Variants in PLEKHG3 observed in about 807,000 individuals in gnomAD.
PLEKHG3 encodes pleckstrin homology domain-containing family G member 3.
A neutral mutation model predicts 94.9 loss-of-function variants in PLEKHG3; 62 were observed. The ratio of observed to expected loss-of-function variants is 0.65; its 90% confidence interval spans 0.53 to 0.81. The LOEUF is 0.81. Ranked by LOEUF, PLEKHG3 falls within the 30% of genes least tolerant of loss-of-function variation. The probability of loss-of-function intolerance (pLI) is 0.00; values close to 1 mark genes in which losing one functional copy is unlikely to be tolerated. For synonymous variants in PLEKHG3, 614 were observed against 654.0 expected (o/e 0.94, Z 0.93); for missense variants, 1,461 against 1,619.3 (o/e 0.90, Z 1.68).
intron 12 of PLEKHG3, 138 bp from the exon 13 acceptor site, chr14:64,736,715 T>C (rs926738435): frequency 1.4e-6 from 1 of 728,258 alleles, no homozygotes. Context: ...GCAGCTTCCC[T>C]GGGGCCTATG....
At chr14:64,736,424 G>A (rs2081569745) in intron 12 of PLEKHG3, among the ~76,000 whole-genome samples, 1 of 152,236 alleles carries the variant, frequency 6.6e-6, no homozygotes, top group Non-Finnish European at 1.5e-5. Flanking sequence ...TTGGCAGTGG[G>A]TGTAGCTGAT....
chr14:64,727,501 A>ACCCCCCCCTCCCC lies in PLEKHG3; in HGVS notation c.-39-88_-39-87insCCCCTCCCCCCCC. 3.6e-6 allele frequency: 1 copy of ACCCCCCCCTCCCC among 280,844 alleles called. No homozygotes were observed. The highest frequency in any genetic ancestry group is 2.9e-5 in the South Asian group (1 of 35,024). The allele number at this position is 280,844 out of a possible 1,614,324, so 17.4% of individuals were successfully genotyped here. ...TGGATGCACTAAATAATACCTTCCCACCCCACCTGCCCCCACCCCTGGCAA... is the reference window on the plus strand; with the variant it reads ...TGGATGCACTAAATAATACCTTCCCACCCCCCCCTCCCCCCCCACCTGCCCCCACCCCTGGCAA... On this transcript the variant is annotated intron_variant, in intron 1 of 16. Transcript: ENST00000247226. This position sits in a 1 kb window ranked among gnomAD's most constrained non-coding sequence, Gnocchi z 6.0.
At chr14:64,707,549 T>C (rs1334478566) in intron 1 of PLEKHG3, among the ~76,000 whole-genome samples, 1 of 152,150 alleles carries the variant, frequency 6.6e-6, no homozygotes, top group Non-Finnish European at 1.5e-5. Context: ...AAGATTGAAA[T>C]AGCAAGTGTG....
At chr14:64,710,256 C>T (rs2081047056) in intron 1 of PLEKHG3, among the ~76,000 whole-genome samples, 1 of 152,214 alleles carries the variant, frequency 6.6e-6, no homozygotes, top group Admixed American at 6.5e-5. Flanking sequence ...TGCATGTAGC[C>T]AAGAAGGTCG....
In PLEKHG3 at chr14:64,726,858, G is replaced by A. The variant is rs181128089; in HGVS notation, c.-39-735G>A. Among the ~76,000 whole-genome samples the A allele has an allele frequency of 2.0e-4, 31 of 152,232 alleles. No homozygotes were observed. Among genetic ancestry groups the A allele is most frequent in the Admixed American group, 5.9e-4 (9 of 15,306 alleles). On this transcript the variant is annotated intron_variant, in intron 1 of 16. Coordinates refer to ENST00000247226, the MANE Select transcript of PLEKHG3 (RefSeq NM_001308147.2). This position sits in a 1 kb window ranked among gnomAD's most constrained non-coding sequence, Gnocchi z 5.1. ...GTTTCAGGTTTGTGGTGAAGCCGCC[G>A]GTGCCCCTGAGGTTTTGCAGTCTTA...
Position 64,738,800 on chromosome 14 carries a change from C to T in PLEKHG3, c.1463C>T (p.Ser488Phe). Residue 488 changes from serine (S) to phenylalanine (F), a missense_variant, in exon 15 of 17, where the codon TCT becomes TTT. Transcript: ENST00000247226. This position sits in a 1 kb window ranked among gnomAD's most constrained non-coding sequence, Gnocchi z 4.8. ...SRSSRRPSGR[S>F]PTSTEKRMSF... The stretch of plus-strand genomic sequence containing the variant: ...AGCAGCAGAAGGCCCAGTGGCCGGT[C>T]TCCAACCAGTACTGAGAAGCGCATG... 6 of 1,601,048 alleles carry T rather than the reference C, an allele frequency of 3.7e-6. No individual in the cohort carries two copies. Among genetic ancestry groups the T allele is most frequent in the Non-Finnish European group, 5.1e-6 (6 of 1,173,446 alleles).
rs2081878195 is a variant in PLEKHG3 at position 64,748,174 on chromosome 14, C to T, written c.*4471C>T. On this transcript the variant is annotated 3_prime_UTR_variant, in exon 17 of 17. Transcript: ENST00000247226. ...TGTCACATGGGTGGTGATACCAAGA[C>T]ATGGCTGCGTCTGCCACCCCGAGAA... The T allele has an allele frequency of 3.3e-5, 5 of 149,726 alleles. No homozygotes were observed. Among genetic ancestry groups the T allele is most frequent in the Admixed American group, 3.3e-4 (5 of 15,210 alleles). The allele number at this position is 149,726 out of a possible 1,614,324, so 9.3% of individuals were successfully genotyped here. A position where few individuals can be genotyped will look rare whatever the true frequency, so the allele number is the denominator to read the frequency against.
intron 1 of PLEKHG3, among the ~76,000 whole-genome samples, chr14:64,708,349 A>C (rs1594653338): frequency 6.6e-6 from 1 of 151,506 alleles, no homozygotes; most frequent in Non-Finnish European, 1.5e-5. Context: ...AAGGCTGTCC[A>C]CCCCTCCCCC....
rs1255157812 is a variant in PLEKHG3, at chr14:64,749,721, C to T, written c.*6018C>T. ...CCTAGGAGGACAAAGGGTTTCCTGT[C>T]ATGGAGACACCTCTGGAGGGGGCGC... On this transcript the variant is annotated 3_prime_UTR_variant, in exon 17 of 17. Transcript: ENST00000247226. This position sits in a 1 kb window ranked among gnomAD's most constrained non-coding sequence, Gnocchi z 4.7. 1.2e-6 allele frequency: 2 copies of T among 1,612,260 alleles called. No homozygotes were observed. Among genetic ancestry groups the T allele is most frequent in the Non-Finnish European group, 1.7e-6 (2 of 1,179,314 alleles).
In PLEKHG3 at chr14:64,747,952, G is replaced by A. The variant is rs542993392; in HGVS notation, c.*4249G>A. ...TCCAGAAGTATGACCTGAGCAGCAAGGGGAAGGCCATTCCTGGGGACGTTG... is the reference window on the plus strand; with the variant it reads ...TCCAGAAGTATGACCTGAGCAGCAAAGGGAAGGCCATTCCTGGGGACGTTG... On this transcript the variant is annotated 3_prime_UTR_variant, in exon 17 of 17. Transcript: ENST00000247226. 6.6e-6 allele frequency: 1 copy of A among 152,394 alleles called. No individual in the cohort carries two copies. Among genetic ancestry groups the A allele is most frequent in the South Asian group, 2.1e-4 (1 of 4,832 alleles). 9.4% of individuals were successfully genotyped at this position (152,394 alleles called of 1,614,324 possible). A position where few individuals can be genotyped will look rare whatever the true frequency, so the allele number is the denominator to read the frequency against.
At chr14:64,724,827 G>A (rs1317306253) in intron 1 of PLEKHG3, among the ~76,000 whole-genome samples, 1 of 152,208 alleles carries the variant, frequency 6.6e-6, no homozygotes, top group African/African-American at 2.4e-5. Flanking sequence ...CTCAGTGCCT[G>A]AGTTCAAGTC....
In PLEKHG3 at chr14:64,743,383, C is replaced by G; in HGVS notation, c.3340C>G (p.Gln1114Glu). The change falls in exon 17 of 17, where the codon CAA (glutamine) becomes GAA (glutamate). Residue 1114 changes from glutamine (Q) to glutamate (E), a missense_variant. This residue lies in a region of PLEKHG3 where 1,201 missense variants were observed against 1,295.5 expected (regional missense o/e 0.93). Transcript: ENST00000247226. This position sits in a 1 kb window ranked among gnomAD's most constrained non-coding sequence, Gnocchi z 7.2. ...KRGRGGGEAAQSPGPLPQSKP... is the reference protein window; with the variant it reads ...KRGRGGGEAAESPGPLPQSKP... ...GGGCCGGGGAGGCGGAGAGGCTGCCCAATCCCCTGGGCCTCTGCCCCAGAG... is the reference window on the plus strand; with the variant it reads ...GGGCCGGGGAGGCGGAGAGGCTGCCGAATCCCCTGGGCCTCTGCCCCAGAG... 1 of 1,608,472 alleles carries G rather than the reference C, an allele frequency of 6.2e-7. No homozygotes were observed.
At position 64,738,979 on chromosome 14, in the gene PLEKHG3, C is replaced by A; in HGVS notation, c.1518+124C>A. The A allele has an allele frequency of 1.5e-6, 1 of 669,468 alleles. No homozygotes were observed. The highest frequency in any genetic ancestry group is 2.7e-6 in the Non-Finnish European group (1 of 368,796). The allele number at this position is 669,468 out of a possible 1,614,324, so 41.5% of individuals were successfully genotyped here. On this transcript the variant is annotated intron_variant, in intron 15 of 16. Transcript: ENST00000247226. This position sits in a 1 kb window ranked among gnomAD's most constrained non-coding sequence, Gnocchi z 4.8. ...GGCCCATGGGAACAGAGATTCCCCA[C>A]CTCCCAGGACTCTCAGCCCTGCATG...
chr14:64,721,581 C>G lies in PLEKHG3; in HGVS notation c.-39-6012C>G, dbSNP rs1232830821. On this transcript the variant is annotated intron_variant, in intron 1 of 16. Transcript: ENST00000247226. This position sits in a 1 kb window ranked among gnomAD's most constrained non-coding sequence, Gnocchi z 4.3. ...ACCAGCTGGGCTGGGTTTGGGTGGC[C>G]CAGAAACCTTGGTCACACTGTTGGC... is the stretch of plus-strand genomic sequence containing the variant. 6.6e-6 allele frequency among the ~76,000 whole-genome samples: 1 copy of G among 152,180 alleles called. No individual in the cohort carries two copies. Among genetic ancestry groups the G allele is most frequent in the East Asian group, 1.9e-4 (1 of 5,198 alleles).
rs1021101288 is a variant in PLEKHG3, at chr14:64,725,523, T to C, written c.-39-2070T>C. Among the ~76,000 whole-genome samples the C allele has an allele frequency of 6.6e-6, 1 of 152,162 alleles. No homozygotes were observed. The highest frequency in any genetic ancestry group is 2.4e-5 in the African/African-American group (1 of 41,422). On this transcript the variant is annotated intron_variant, in intron 1 of 16. Transcript: ENST00000247226. The surrounding 1 kb of genome is among the most constrained non-coding windows in gnomAD (Gnocchi z 5.0). The stretch of plus-strand genomic sequence containing the variant: ...GACATGGTGTTGCCCTGCCTGCTGG[T>C]TCTGTAAAAGGCATAGCTGATTAAT...
rs1213590468 is a variant in PLEKHG3, at chr14:64,704,529, G to T, written c.-215G>T. 1 of 154,448 alleles carries T rather than the reference G, an allele frequency of 6.5e-6. No individual in the cohort carries two copies. Among genetic ancestry groups the T allele is most frequent in the African/African-American group, 2.4e-5 (1 of 41,492 alleles). 9.6% of individuals were successfully genotyped at this position (154,448 alleles called of 1,614,324 possible). ...CGCGCGCTGCCTGGGGTCTCCGGGGGCCGCGCTTGCAGCTGGCCGAGTCCG... is the reference window on the plus strand; with the variant it reads ...CGCGCGCTGCCTGGGGTCTCCGGGGTCCGCGCTTGCAGCTGGCCGAGTCCG... On this transcript the variant is annotated 5_prime_UTR_variant, in exon 1 of 17. Transcript: ENST00000247226. The surrounding 1 kb of genome is among the most constrained non-coding windows in gnomAD (Gnocchi z 5.6).
intron 1 of PLEKHG3, among the ~76,000 whole-genome samples, chr14:64,705,155 C>T (rs981814285): frequency 2.6e-5 from 4 of 152,184 alleles, no homozygotes; most frequent in African/African-American, 4.8e-5. Flanking sequence ...GGGTTGGCGC[C>T]GCACGGTGCT....
chr14:64,734,657 C>A lies in PLEKHG3; in HGVS notation c.1345+1756C>A, dbSNP rs530339387. Among the ~76,000 whole-genome samples, 389 of 152,132 alleles carry A rather than the reference C, an allele frequency of 2.6e-3. 2 individuals are homozygous for A. The highest frequency in any genetic ancestry group is 3.7e-3 in the Non-Finnish European group (249 of 67,982). ...GTAAATACTAAGAGTTGGATTTTTT[C>A]AAAAAATATTTAAAAAATGTTTTAA... On this transcript the variant is annotated intron_variant, in intron 12 of 16. Transcript: ENST00000247226.
chr14:64,728,025 C>A lies in PLEKHG3; in HGVS notation c.351+43C>A. On this transcript the variant is annotated intron_variant, in intron 2 of 16. Transcript: ENST00000247226. The surrounding 1 kb of genome is among the most constrained non-coding windows in gnomAD (Gnocchi z 5.9). ...TGCGGCACAGTATTCTAGCAGAAGC[C>A]TGTTTCACCCTGGGAGGGAAGCTCT... is the stretch of plus-strand genomic sequence containing the variant. 8.1e-7 allele frequency: 1 copy of A among 1,237,668 alleles called. No homozygotes were observed. The highest frequency in any genetic ancestry group is 1.1e-6 in the Non-Finnish European group (1 of 902,908). 76.7% of individuals were successfully genotyped at this position (1,237,668 alleles called of 1,614,324 possible).
Sources: allele counts gnomAD v4.1 joint callset (sites outside exome capture counted in the v4.1 genomes callset), GRCh38; gene constraint gnomAD v4.1.1; regional missense constraint gnomAD v4.1.1; non-coding constraint Gnocchi (gnomAD v3.1); transcripts MANE v1.5; gene names NCBI Gene and HGNC (gene_info 2026-07-23, HGNC 2026-07-21).